GVQW3: variants seen among roughly 807,000 people sequenced by gnomAD.
GVQW3 encodes GVQW motif containing 3.
A neutral mutation model predicts 12.5 loss-of-function variants in GVQW3; 7 were observed. That is an observed-to-expected ratio of 0.56 (90% CI 0.32 to 1.05). The LOEUF (loss-of-function observed/expected upper bound fraction) is 1.05, where lower values mean the gene tolerates loss of function less well. GVQW3 is among the 50% of genes least tolerant of loss of function. The pLI is 0.04. For missense variants in GVQW3, 188 were observed against 190.8 expected (o/e 0.99, Z 0.09); for synonymous variants, 71 against 67.2 (o/e 1.06, Z -0.28).
intron 1 of GVQW3, among the ~76,000 whole-genome samples, chr11:76,400,389 C>T (rs1423260483): frequency 6.6e-6 from 1 of 151,642 alleles, no homozygotes; most frequent in Admixed American, 6.6e-5. Context: ...GCTGGGATTA[C>T]AGGTGTGAGT....
intron 1 of GVQW3, chr11:76,392,327 T>A (rs548381124): frequency 1.3e-5 from 2 of 152,374 alleles, no homozygotes; most frequent in African/African-American, 4.8e-5. Context: ...TAGTGTGTAA[T>A]ATTACCTCTC....
intron 1 of GVQW3, among the ~76,000 whole-genome samples, chr11:76,388,338 G>A (rs1946856970): frequency 6.6e-6 from 1 of 152,164 alleles, no homozygotes; most frequent in Non-Finnish European, 1.5e-5. Context: ...CTTGCAACTG[G>A]TGCTGAGATC....
intron 1 of GVQW3, among the ~76,000 whole-genome samples, chr11:76,403,154 G>A (rs546728491): frequency 6.6e-6 from 1 of 151,956 alleles, no homozygotes; most frequent in Non-Finnish European, 1.5e-5. Flanking sequence ...CACCATGTTG[G>A]ACAAGCTGGT....
At chr11:76,412,034 C>T (rs1456338235), downstream of GVQW3, 1 of 152,202 alleles carries the variant, frequency 6.6e-6, no homozygotes, top group Non-Finnish European at 1.5e-5. Flanking sequence ...TGGTCATCCG[C>T]CTAAAATCTC....
chr11:76,409,156 G>GTTTA (rs1301362775), downstream of GVQW3, among the ~76,000 whole-genome samples: 23 of 152,058 alleles, frequency 1.5e-4, no homozygotes, highest in African/African-American at 4.8e-4. Flanking sequence ...GCCTCCTGTT[G>GTTTA]TTTATTTATT....
downstream of GVQW3, chr11:76,411,277 G>A (rs956910962): frequency 1.3e-5 from 2 of 152,382 alleles, no homozygotes; most frequent in African/African-American, 4.8e-5. Flanking sequence ...GCAACGTGCA[G>A]GGTACACACT....
downstream of GVQW3, chr11:76,408,259 A>G (rs951484205): frequency 1.3e-5 from 2 of 152,186 alleles, no homozygotes; most frequent in Non-Finnish European, 2.9e-5. Flanking sequence ...GGTTTTATCA[A>G]GTGTGGAGGA....
At chr11:76,394,968 T>A (rs1241817080) in intron 1 of GVQW3, 1 of 152,216 alleles carries the variant, frequency 6.6e-6, no homozygotes, top group Non-Finnish European at 1.5e-5. Context: ...ACTTTGTTGT[T>A]TGCAGGATGT....
chr11:76,400,142 C>T (rs895472963), intron 1 of GVQW3, among the ~76,000 whole-genome samples: 1 of 150,620 alleles, frequency 6.6e-6, no homozygotes, highest in Non-Finnish European at 1.5e-5. Flanking sequence ...GATGGAGTTT[C>T]GCTCTTGTCA....
In GVQW3 at chr11:76,381,725, A is replaced by G; in HGVS notation, c.-104A>G. 1.8e-6 allele frequency: 2 copies of G among 1,081,586 alleles called. No homozygotes were observed. The highest frequency in any genetic ancestry group is 2.5e-6 in the Non-Finnish European group (2 of 784,776). 67.0% of individuals were successfully genotyped at this position (1,081,586 alleles called of 1,614,324 possible). Reference sequence around the variant, plus strand: ...TCCCGGCGAGGCTTCTAGAAGAGCAAGAAGAGCGATATGATTACACCTGCA... The same window carrying G: ...TCCCGGCGAGGCTTCTAGAAGAGCAGGAAGAGCGATATGATTACACCTGCA... On this transcript the variant is annotated 5_prime_UTR_variant, in exon 1 of 2. Transcript: ENST00000529331.
At chr11:76,390,553 A>T (rs545178797) in intron 1 of GVQW3, among the ~76,000 whole-genome samples, 1 of 152,362 alleles carries the variant, frequency 6.6e-6, no homozygotes, top group South Asian at 2.1e-4. Flanking sequence ...ATAAATTAGT[A>T]GGCTGGGCAC....
chr11:76,390,157 C>A (rs547281617), intron 1 of GVQW3: 2 of 152,146 alleles, frequency 1.3e-5, no homozygotes, highest in African/African-American at 4.8e-5. Context: ...AAATTTTAAA[C>A]CTCCAAATGA....
chr11:76,397,932 T>G (rs59898378), intron 1 of GVQW3, among the ~76,000 whole-genome samples: 1 of 152,000 alleles, frequency 6.6e-6, no homozygotes, highest in Non-Finnish European at 1.5e-5. Context: ...GTCAGGAGTT[T>G]TGAGACCAGC....
intron 1 of GVQW3, among the ~76,000 whole-genome samples, chr11:76,388,052 A>C (rs1209980187): frequency 1.3e-5 from 2 of 152,208 alleles, no homozygotes; most frequent in Admixed American, 1.3e-4. Flanking sequence ...GCTGTTTTTG[A>C]CTAAAAATGA....
intron 1 of GVQW3, chr11:76,392,764 CA>C (rs1946905219): frequency 1.3e-5 from 2 of 152,352 alleles, no homozygotes; most frequent in South Asian, 4.1e-4. Context: ...GGTGCGTATT[CA>C]TAAGTAAATG....
chr11:76,401,649 T>C (rs1007871878), intron 1 of GVQW3, among the ~76,000 whole-genome samples: 4 of 151,852 alleles, frequency 2.6e-5, no homozygotes, highest in Non-Finnish European at 5.9e-5. Context: ...GGCGCATGCC[T>C]GTAATCCCAG....
At position 76,400,460 on chromosome 11, in the gene GVQW3, G is replaced by C. The variant is rs60193656; in HGVS notation, c.466-3200G>C. On this transcript the variant is annotated intron_variant, in intron 1 of 1. Transcript: ENST00000529331. ...TTTGAGATGGAGTCTCACTTTTGTCGCCCAGGCTGGAGTGCAATGGCACAA... is the reference window on the plus strand; with the variant it reads ...TTTGAGATGGAGTCTCACTTTTGTCCCCCAGGCTGGAGTGCAATGGCACAA... Among the ~76,000 whole-genome samples the C allele has an allele frequency of 2.7e-5, 4 of 148,752 alleles. 1 individual carries two copies. Among genetic ancestry groups the C allele is most frequent in the Admixed American group, 2.7e-4 (4 of 14,888 alleles).
intron 1 of GVQW3, among the ~76,000 whole-genome samples, chr11:76,385,374 C>T (rs1946822863): frequency 6.6e-6 from 1 of 152,216 alleles, no homozygotes; most frequent in Admixed American, 6.5e-5. Flanking sequence ...TTGCCCTGGC[C>T]TGCACCTTGC....
At chr11:76,391,827 G>A (rs749506399) in intron 1 of GVQW3, among the ~76,000 whole-genome samples, 1 of 152,168 alleles carries the variant, frequency 6.6e-6, no homozygotes, top group African/African-American at 2.4e-5. Context: ...GGTGGTGCAT[G>A]CCTGTAATCC....
Sources: allele counts gnomAD v4.1 joint callset (sites outside exome capture counted in the v4.1 genomes callset), GRCh38; gene constraint gnomAD v4.1.1; transcripts MANE v1.5; gene names NCBI Gene and HGNC (gene_info 2026-07-23, HGNC 2026-07-21).